The following CELF4 variants were observed in gnomAD, a reference collection of about 807,000 sequenced individuals.
CELF4 encodes CUG-BP- and ETR-3-like factor 4.
A neutral mutation model predicts 59.9 loss-of-function variants in CELF4; 18 were observed. The observed-to-expected ratio is 0.30, with a 90% confidence interval of 0.21 to 0.45. The LOEUF is 0.45. CELF4 is among the 20% of genes least tolerant of loss of function. The pLI, the probability that CELF4 is intolerant of heterozygous loss-of-function variation, is 1.00. For missense variants in CELF4, 456 were observed against 689.0 expected (o/e 0.66, Z 3.79); for synonymous variants, 261 against 267.1 (o/e 0.98, Z 0.22).
chr18:37,382,666 C>A (rs547099717), intron 2 of CELF4, among the ~76,000 whole-genome samples: 1 of 152,188 alleles, frequency 6.6e-6, no homozygotes, highest in African/African-American at 2.4e-5. Flanking sequence ...TTCTCTAGAA[C>A]ACAAATGAAC....
chr18:37,520,494 G>A (rs1187002186), intron 1 of CELF4, among the ~76,000 whole-genome samples: 1 of 150,726 alleles, frequency 6.6e-6, no homozygotes, highest in Non-Finnish European at 1.5e-5. Context: ...GTTACTGCTT[G>A]ACTCAGCTGG....
intron 11 of CELF4, among the ~76,000 whole-genome samples, chr18:37,256,506 AT>A (rs1398510807): frequency 6.6e-5 from 10 of 152,314 alleles, no homozygotes; most frequent in South Asian, 6.2e-4. Flanking sequence ...AAAGGAAGAG[AT>A]TGAGGCTCAC....
intron 1 of CELF4, among the ~76,000 whole-genome samples, chr18:37,500,534 TTTC>T (rs1164650079): frequency 0.021 from 981 of 46,370 alleles, 8 homozygotes; most frequent in Non-Finnish European, 0.042. Flanking sequence ...TTCTTTTCTT[TTTC>T]TTTTTTTTTT....
intron 1 of CELF4, among the ~76,000 whole-genome samples, chr18:37,503,544 G>C (rs919763819): frequency 1.4e-4 from 21 of 152,160 alleles, no homozygotes; most frequent in African/African-American, 5.1e-4. Context: ...TCCAAGCCAA[G>C]GTCCCAGCTC....
chr18:37,251,324 C>T lies in CELF4; in HGVS notation c.*44+2443G>A, dbSNP rs1228598557. Among the ~76,000 whole-genome samples, 4 of 152,270 alleles carry T rather than the reference C, an allele frequency of 2.6e-5. No individual in the cohort carries two copies. The East Asian group carries it at 7.7e-4, about 29-fold the overall frequency. On this transcript the variant is annotated intron_variant, in intron 12 of 12. Coordinates refer to ENST00000420428, the MANE Select transcript of CELF4 (RefSeq NM_020180.4). ...AACCGACTCTGTGTTTTAAACCACT[C>T]CTCCCAAGCCCCCACCCCAACTCTG...
At chr18:37,346,452 G>A (rs2098262108) in intron 2 of CELF4, among the ~76,000 whole-genome samples, 1 of 152,162 alleles carries the variant, frequency 6.6e-6, no homozygotes, top group South Asian at 2.1e-4. Context: ...GAATTGACTT[G>A]TTTTAGTCAT....
chr18:37,369,445 G>T (rs936708098), intron 2 of CELF4, among the ~76,000 whole-genome samples: 1 of 152,156 alleles, frequency 6.6e-6, no homozygotes, highest in African/African-American at 2.4e-5. Context: ...GCCCAGGTGG[G>T]TGAGGGATGT....
intron 2 of CELF4, among the ~76,000 whole-genome samples, chr18:37,403,286 A>G (rs1341013292): frequency 6.6e-6 from 1 of 152,172 alleles, no homozygotes; most frequent in Non-Finnish European, 1.5e-5. Flanking sequence ...CTGTCAGGCC[A>G]CTGTCTCCCT....
At chr18:37,466,677 C>T in intron 2 of CELF4, among the ~76,000 whole-genome samples, 1 of 152,160 alleles carries the variant, frequency 6.6e-6, no homozygotes, top group Non-Finnish European at 1.5e-5. Context: ...ATAAGTAGGA[C>T]CCAGTCCCTG....
intron 1 of CELF4, among the ~76,000 whole-genome samples, chr18:37,554,855 C>A (rs899605538): frequency 6.6e-6 from 1 of 152,152 alleles, no homozygotes. Flanking sequence ...CCAGGACTGC[C>A]CCAAGAGAAT....
Position 37,243,468 on chromosome 18 carries a change from A to C in CELF4, c.*1774T>G, listed in dbSNP as rs2060968345. On this transcript the variant is annotated 3_prime_UTR_variant, in exon 13 of 13. Coordinates refer to ENST00000420428, the MANE Select transcript of CELF4 (RefSeq NM_020180.4). The stretch of plus-strand genomic sequence containing the variant: ...TATAATAAATATGTTATACTTTAAA[A>C]TATATGTGTTCTTAAATAATTCAGT... The C allele has an allele frequency of 6.6e-6, 1 of 152,170 alleles. No homozygotes were observed. The highest frequency in any genetic ancestry group is 6.5e-5 in the Admixed American group (1 of 15,276). 9.4% of individuals were successfully genotyped at this position (152,170 alleles called of 1,614,324 possible).
intron 2 of CELF4, among the ~76,000 whole-genome samples, chr18:37,375,694 A>G (rs1223099532): frequency 6.6e-6 from 1 of 152,158 alleles, no homozygotes; most frequent in Non-Finnish European, 1.5e-5. Context: ...GGCTCCTACC[A>G]GTATCCTGTA....
chr18:37,274,760 G>A (rs1407433757), intron 5 of CELF4, 45 bp downstream of exon 5: 7 of 1,526,386 alleles, frequency 4.6e-6, no homozygotes, highest in Non-Finnish European at 6.1e-6. Context: ...CTGGGGTCTC[G>A]GCCCGCCGCT....
At chr18:37,422,671 C>T (rs2099585557) in intron 2 of CELF4, among the ~76,000 whole-genome samples, 1 of 152,136 alleles carries the variant, frequency 6.6e-6, no homozygotes, top group African/African-American at 2.4e-5. Context: ...CATGTGCCAG[C>T]ACATGCATGA....
intron 2 of CELF4, among the ~76,000 whole-genome samples, chr18:37,415,977 C>G (rs1049600743): frequency 6.6e-6 from 1 of 152,196 alleles, no homozygotes; most frequent in Non-Finnish European, 1.5e-5. Flanking sequence ...CAGGGTGGGG[C>G]AGGGAGGAGG....
chr18:37,551,203 C>G (rs936094367), intron 1 of CELF4, among the ~76,000 whole-genome samples: 7 of 152,124 alleles, frequency 4.6e-5, no homozygotes, highest in Non-Finnish European at 8.8e-5. Flanking sequence ...CAGTTCTGTT[C>G]TCCCCTGAGA....
intron 1 of CELF4, among the ~76,000 whole-genome samples, chr18:37,513,786 G>A (rs11876703): frequency 0.019 from 2,859 of 152,156 alleles, 82 homozygotes; most frequent in African/African-American, 0.064. Context: ...CCAATCCGCA[G>A]TGCTCCCTCC....
chr18:37,299,585 G>T (rs116473627), intron 3 of CELF4, among the ~76,000 whole-genome samples: 1 of 152,178 alleles, frequency 6.6e-6, no homozygotes, highest in Non-Finnish European at 1.5e-5. Context: ...CTGGCACTGC[G>T]GGCTCGGCTG....
chr18:37,333,746 AT>A (rs2097653323), intron 2 of CELF4, among the ~76,000 whole-genome samples: 2 of 148,172 alleles, frequency 1.3e-5, no homozygotes, highest in African/African-American at 5.0e-5. Flanking sequence ...CCATCCATCC[AT>A]CCATCCATCC....
Sources: gnomAD v4.1 joint callset for allele counts (sites outside exome capture counted in the v4.1 genomes callset) on GRCh38, gnomAD v4.1.1 for gene constraint, MANE v1.5 for transcripts, NCBI Gene and HGNC (gene_info 2026-07-23, HGNC 2026-07-21) for gene names.